Variants in KHDRBS2 observed in about 807,000 individuals in gnomAD.
The protein encoded by KHDRBS2 is KH RNA binding domain containing, signal transduction associated 2.
A neutral mutation model predicts 44.3 loss-of-function variants in KHDRBS2; 26 were observed. That is an observed-to-expected ratio of 0.59 (90% CI 0.43 to 0.81). KHDRBS2 has a LOEUF of 0.81. Ranked by LOEUF, KHDRBS2 falls within the 40% of genes least tolerant of loss-of-function variation. The pLI, the probability that KHDRBS2 is intolerant of heterozygous loss-of-function variation, is 0.00. For synonymous variants in KHDRBS2, 194 were observed against 151.1 expected, an observed-to-expected ratio of 1.28 and a Z score of -2.08; for missense variants, 476 against 433.1, an observed-to-expected ratio of 1.10 and a Z score of -0.88.
At chr6:61,772,314 A>G (rs923129076) in intron 6 of KHDRBS2, among the ~76,000 whole-genome samples, 7 of 152,234 alleles carry the variant, frequency 4.6e-5, no homozygotes, top group Non-Finnish European at 8.8e-5. Context: ...AGAAATAACT[A>G]AGATCAGAGC....
intron 6 of KHDRBS2, among the ~76,000 whole-genome samples, chr6:61,891,106 G>A (rs966611668): frequency 6.6e-6 from 1 of 152,140 alleles, no homozygotes; most frequent in Non-Finnish European, 1.5e-5. Context: ...TATTTGAAGA[G>A]TTTACATTTA....
rs1353982482 is a variant in KHDRBS2, at chr6:62,238,095, C to A, written c.91+47763G>T. On this transcript the variant is annotated intron_variant, in intron 1 of 8. Transcript: ENST00000281156. ...AATTGATATAGTTTCTTGGTAAAAG[C>A]AAAGATAGCGCTTAAAAATTGTCAA... 1.9e-4 allele frequency among the ~76,000 whole-genome samples: 29 copies of A among 150,808 alleles called. No homozygotes were observed. In the East Asian group the frequency reaches 5.3e-3, roughly 27 times the overall value.
At chr6:61,995,124 A>G (rs6935570) in intron 3 of KHDRBS2, among the ~76,000 whole-genome samples, 107,314 of 151,926 alleles carry the variant, frequency 0.71, 39,208 homozygotes, top group East Asian at 0.81. Flanking sequence ...TGGCCTACAA[A>G]GCACTATATT....
intron 1 of KHDRBS2, among the ~76,000 whole-genome samples, chr6:62,262,540 A>T (rs768354218): frequency 6.6e-6 from 1 of 151,798 alleles, no homozygotes; most frequent in Non-Finnish European, 1.5e-5. Flanking sequence ...ATAAAGTTGG[A>T]ACACTAAAAG....
At chr6:61,790,693 T>C (rs142842537) in intron 6 of KHDRBS2, among the ~76,000 whole-genome samples, 1 of 151,620 alleles carries the variant, frequency 6.6e-6, no homozygotes, top group African/African-American at 2.4e-5. Flanking sequence ...AATTTTTGCA[T>C]CTGTGCTTAT....
intron 4 of KHDRBS2, among the ~76,000 whole-genome samples, chr6:61,952,252 A>G (rs1431547650): frequency 4.6e-5 from 7 of 152,070 alleles, no homozygotes; most frequent in Non-Finnish European, 1.0e-4. Context: ...TACATTGAAA[A>G]GGCAGACTGG....
At chr6:61,671,635 G>C in the KHDRBS2 span, among the ~76,000 whole-genome samples, 1 of 151,616 alleles carries the variant, frequency 6.6e-6, no homozygotes. Flanking sequence ...ACCAAAAACA[G>C]CTATCTTATT....
At chr6:62,227,761 T>C (rs894161918) in intron 1 of KHDRBS2, among the ~76,000 whole-genome samples, 1 of 152,056 alleles carries the variant, frequency 6.6e-6, no homozygotes, top group Non-Finnish European at 1.5e-5. Flanking sequence ...CGAAGGCCTT[T>C]TCTGCATCTG....
chr6:61,934,066 G>A (rs1810586553), intron 4 of KHDRBS2, among the ~76,000 whole-genome samples: 1 of 152,000 alleles, frequency 6.6e-6, no homozygotes, highest in African/African-American at 2.4e-5. Context: ...TTTCTTTCAT[G>A]TACTTGTTTG....
chr6:61,763,384 G>C (rs768297342), intron 6 of KHDRBS2, among the ~76,000 whole-genome samples: 1 of 152,144 alleles, frequency 6.6e-6, no homozygotes, highest in Non-Finnish European at 1.5e-5. Flanking sequence ...GGCAGTATAC[G>C]TATGCTTCTC....
intron 3 of KHDRBS2, among the ~76,000 whole-genome samples, chr6:61,987,931 G>T (rs1467542703): frequency 6.6e-6 from 1 of 152,014 alleles, no homozygotes; most frequent in Non-Finnish European, 1.5e-5. Context: ...CTTCACAATT[G>T]CACATCCACA....
At chr6:62,107,816 C>T (rs1167614837) in intron 2 of KHDRBS2, among the ~76,000 whole-genome samples, 1 of 152,114 alleles carries the variant, frequency 6.6e-6, no homozygotes, top group African/African-American at 2.4e-5. Flanking sequence ...TGGTCTTTGA[C>T]AAACCTGAGA....
intron 2 of KHDRBS2, among the ~76,000 whole-genome samples, chr6:62,076,854 G>A (rs1796439121): frequency 6.6e-6 from 1 of 151,928 alleles, no homozygotes; most frequent in Non-Finnish European, 1.5e-5. Flanking sequence ...AGACCAGCTT[G>A]TGCAACATAG....
intron 3 of KHDRBS2, among the ~76,000 whole-genome samples, chr6:62,002,847 C>T (rs530917348): frequency 5.5e-4 from 83 of 151,736 alleles, no homozygotes; most frequent in African/African-American, 1.9e-3. Context: ...TTATATCCTA[C>T]ATGTTAAGTT....
At chr6:61,872,030 C>T (rs918259051) in intron 6 of KHDRBS2, among the ~76,000 whole-genome samples, 8 of 151,702 alleles carry the variant, frequency 5.3e-5, no homozygotes, top group Non-Finnish European at 8.8e-5. Flanking sequence ...CACCATGGTG[C>T]GTGTATGCCT....
chr6:62,068,293 A>T (rs1205442877), intron 2 of KHDRBS2, among the ~76,000 whole-genome samples: 1 of 151,530 alleles, frequency 6.6e-6, no homozygotes, highest in African/African-American at 2.4e-5. Flanking sequence ...ACATCTTTTC[A>T]TATGTTTATC....
the KHDRBS2 span, among the ~76,000 whole-genome samples, chr6:61,592,006 T>C: frequency 1.1e-4 from 17 of 151,798 alleles, no homozygotes; most frequent in South Asian, 3.1e-3. Flanking sequence ...CTGGGTAACA[T>C]AGAGAGACCC....
intron 3 of KHDRBS2, among the ~76,000 whole-genome samples, chr6:62,040,792 T>G (rs151018041): frequency 5.5e-4 from 84 of 152,242 alleles, no homozygotes; most frequent in African/African-American, 1.9e-3. Flanking sequence ...ACACAGCTTC[T>G]TCCAATGTAG....
intron 6 of KHDRBS2, among the ~76,000 whole-genome samples, chr6:61,778,435 A>G (rs1782437942): frequency 6.6e-6 from 1 of 152,172 alleles, no homozygotes. Context: ...CAAAAAACAT[A>G]AAACTGGCTT....
Sources: gnomAD v4.1 joint callset for allele counts (sites outside exome capture counted in the v4.1 genomes callset) on GRCh38, gnomAD v4.1.1 for gene constraint, MANE v1.5 for transcripts, NCBI Gene and HGNC (gene_info 2026-07-23, HGNC 2026-07-21) for gene names.